NFIA: variants seen among roughly 807,000 people sequenced by gnomAD.
NFIA encodes nuclear factor I A.
Under a neutral mutation model 62.8 loss-of-function variants are expected in NFIA, and 8 were observed. The observed-to-expected ratio is 0.13, with a 90% CI of 0.07 to 0.23. The LOEUF is 0.23. Among genes scored for constraint, NFIA ranks in the 10% least tolerant of loss-of-function variants. The pLI, the probability that NFIA is intolerant of heterozygous loss-of-function variation, is 1.00. For missense variants in NFIA, 410 were observed against 642.1 expected (o/e 0.64, Z 3.91); for synonymous variants, 235 against 238.1 (o/e 0.99, Z 0.12).
At chr1:61,094,373 TC>T (rs1646375390) in intron 2 of NFIA, among the ~76,000 whole-genome samples, 1 of 152,216 alleles carries the variant, frequency 6.6e-6, no homozygotes, top group Non-Finnish European at 1.5e-5. Context: ...TGTAAAGCAG[TC>T]TTGGGCAGTG....
intron 2 of NFIA, among the ~76,000 whole-genome samples, chr1:61,213,569 C>T (rs144091948): frequency 2.0e-5 from 3 of 152,180 alleles, no homozygotes; most frequent in Admixed American, 6.5e-5. Flanking sequence ...TTAGAAGAAC[C>T]TCAGCTCTGT....
At chr1:61,093,108 T>G (rs1646349070) in intron 2 of NFIA, among the ~76,000 whole-genome samples, 1 of 152,218 alleles carries the variant, frequency 6.6e-6, no homozygotes. Context: ...AATTTTTAGG[T>G]AACTTCCTAC....
chr1:61,437,766 A>G (rs1292249543), intron 10 of NFIA, among the ~76,000 whole-genome samples: 2 of 152,194 alleles, frequency 1.3e-5, no homozygotes, highest in Non-Finnish European at 2.9e-5. Flanking sequence ...GGAGACAGAT[A>G]TACTTGGTGG....
intron 9 of NFIA, 22 bp from the exon 10 acceptor site, chr1:61,426,443 C>G: frequency 4.6e-6 from 7 of 1,521,408 alleles, no homozygotes; most frequent in Non-Finnish European, 6.3e-6. Context: ...TTCCTGAACG[C>G]ATGTGTCCCT....
intron 1 of NFIA, among the ~76,000 whole-genome samples, chr1:61,083,636 G>A (rs1646161316): frequency 6.6e-6 from 1 of 151,594 alleles, no homozygotes; most frequent in Admixed American, 6.6e-5. Context: ...GGGCCGAGAC[G>A]AGCCCACGTT....
At chr1:61,368,785 A>G (rs1214037187) in intron 6 of NFIA, among the ~76,000 whole-genome samples, 1 of 152,264 alleles carries the variant, frequency 6.6e-6, no homozygotes, top group African/African-American at 2.4e-5. Context: ...AACTTACTGT[A>G]TGAATTTAAG....
chr1:61,320,634 G>T (rs1426177409), intron 3 of NFIA, among the ~76,000 whole-genome samples: 1 of 151,744 alleles, frequency 6.6e-6, no homozygotes, highest in Non-Finnish European at 1.5e-5. Flanking sequence ...TCAGTGTTGA[G>T]TATCTTAAAA....
At chr1:61,131,402 C>T (rs1390475474) in intron 2 of NFIA, among the ~76,000 whole-genome samples, 1 of 152,086 alleles carries the variant, frequency 6.6e-6, no homozygotes, top group Non-Finnish European at 1.5e-5. Context: ...TGTTGAATTT[C>T]CTCCCTAGAT....
chr1:61,153,385 G>A (rs187667443), intron 2 of NFIA, among the ~76,000 whole-genome samples: 3 of 146,102 alleles, frequency 2.1e-5, no homozygotes, highest in African/African-American at 7.3e-5. Flanking sequence ...CAGGTTAGCC[G>A]TTGATGCCTT....
Position 61,118,659 on chromosome 1 carries a change from AGT to A in NFIA, c.559+30028_559+30029del, listed in dbSNP as rs5774536. Among the ~76,000 whole-genome samples the A allele has an allele frequency of 5.2e-3, 757 of 145,258 alleles. 6 individuals are homozygous for A. Among genetic ancestry groups the A allele is most frequent in the East Asian group, 0.036 (175 of 4,876 alleles). On this transcript the variant is annotated intron_variant, in intron 2 of 10. Transcript: ENST00000403491. ...AAGTGCAAAAAGTTTGGTCGGGATG[AGT>A]GTGTGTGTGTGTGTGTGTGTGTGTG... is the stretch of plus-strand genomic sequence containing the variant.
intron 3 of NFIA, among the ~76,000 whole-genome samples, chr1:61,288,995 CCTG>C (rs1453116283): frequency 6.6e-6 from 1 of 152,142 alleles, no homozygotes; most frequent in Non-Finnish European, 1.5e-5. Context: ...GGTTCAAACT[CCTG>C]GGCTCAAGAG....
chr1:61,102,553 A>G (rs1049409114), intron 2 of NFIA, among the ~76,000 whole-genome samples: 1 of 152,074 alleles, frequency 6.6e-6, no homozygotes, highest in African/African-American at 2.4e-5. Context: ...TAAAAGTTTT[A>G]GCTTTATTCT....
rs562726524 is a variant in NFIA, at chr1:61,451,233, T to C, written c.1513-4070T>C. On this transcript the variant is annotated intron_variant, in intron 10 of 10. Transcript: ENST00000403491. Reference sequence around the variant, plus strand: ...TCCCAGCGGAATGGGATTCGAACTTTCATGGAGCTGTAAATTAACGGGCGG... The same window carrying C: ...TCCCAGCGGAATGGGATTCGAACTTCCATGGAGCTGTAAATTAACGGGCGG... Among the ~76,000 whole-genome samples, 18 of 152,298 alleles carry C rather than the reference T, an allele frequency of 1.2e-4. No homozygotes were observed. In the South Asian group the frequency reaches 2.5e-3, roughly 21 times the overall value.
chr1:61,356,927 G>C (rs987783986), intron 5 of NFIA, among the ~76,000 whole-genome samples: 4 of 152,084 alleles, frequency 2.6e-5, no homozygotes, highest in Non-Finnish European at 5.9e-5. Flanking sequence ...CCTGCCCTAG[G>C]CTCCATTTTC....
intron 7 of NFIA, among the ~76,000 whole-genome samples, chr1:61,397,874 G>A (rs1248359406): frequency 6.6e-6 from 1 of 152,180 alleles, no homozygotes; most frequent in Admixed American, 6.5e-5. Context: ...ACAGACCAAG[G>A]CATATTAAGT....
At chr1:61,389,165 C>T (rs934154191) in intron 7 of NFIA, among the ~76,000 whole-genome samples, 3 of 152,144 alleles carry the variant, frequency 2.0e-5, no homozygotes, top group Non-Finnish European at 2.9e-5. Context: ...GTGGCACTTG[C>T]AGTGCCATCA....
intron 2 of NFIA, among the ~76,000 whole-genome samples, chr1:61,249,560 G>A (rs947006787): frequency 1.3e-5 from 2 of 152,170 alleles, no homozygotes; most frequent in African/African-American, 2.4e-5. Flanking sequence ...CAGCACTTTC[G>A]GAGGCCGAGG....
intron 10 of NFIA, among the ~76,000 whole-genome samples, chr1:61,443,451 T>A (rs1260967559): frequency 6.6e-6 from 1 of 152,152 alleles, no homozygotes; most frequent in African/African-American, 2.4e-5. Flanking sequence ...ATTGCTTCTC[T>A]GAACCCCACC....
intron 2 of NFIA, chr1:61,251,501 A>G (rs1456759442): frequency 6.6e-6 from 1 of 152,204 alleles, no homozygotes; most frequent in East Asian, 1.9e-4. Flanking sequence ...ATTGTCATAT[A>G]TGTAACACAA....
Sources: gnomAD v4.1 joint callset for allele counts (sites outside exome capture counted in the v4.1 genomes callset) on GRCh38, gnomAD v4.1.1 for gene constraint, MANE v1.5 for transcripts, NCBI Gene and HGNC (gene_info 2026-07-23, HGNC 2026-07-21) for gene names.